The following SLC9C2 variants were observed in gnomAD, a reference collection of about 807,000 sequenced individuals.
SLC9C2 encodes sodium/hydrogen exchanger 11.
A neutral mutation model predicts 140.2 loss-of-function variants in SLC9C2; 75 were observed. The observed-to-expected ratio is 0.53, with a 90% CI of 0.44 to 0.65. The LOEUF (loss-of-function observed/expected upper bound fraction) is 0.65, where lower values mean the gene tolerates loss of function less well. SLC9C2 is among the 30% of genes least tolerant of loss of function. The probability of loss-of-function intolerance (pLI) is 0.00; values close to 1 mark genes in which losing one functional copy is unlikely to be tolerated. For synonymous variants in SLC9C2, 375 were observed against 420.9 expected (o/e 0.89, Z 1.34); for missense variants, 1,074 against 1,331.8 (o/e 0.81, Z 3.01).
intron 7 of SLC9C2, among the ~76,000 whole-genome samples, chr1:173,580,875 G>A (rs937819085): frequency 6.6e-6 from 1 of 152,098 alleles, no homozygotes; most frequent in East Asian, 1.9e-4. Context: ...ATAAAAAGAT[G>A]ACTAAGAGCC....
intron 23 of SLC9C2, among the ~76,000 whole-genome samples, chr1:173,511,007 G>A (rs1213720334): frequency 1.4e-5 from 2 of 138,666 alleles, no homozygotes; most frequent in Admixed American, 1.4e-4. Context: ...ATTGTTTCCT[G>A]GATTTTTTTT....
In SLC9C2 at chr1:173,529,916, A is replaced by G. The variant is rs1390515393; in HGVS notation, c.2302T>C (p.Ser768Pro). The stretch of plus-strand genomic sequence containing the variant: ...TGCTTGTTTCTCACCTGATATATTG[A>G]TTCACAGACAGCTATTTGTTTTATT... Reference protein sequence around the residue: ...LLIKQIAVCESIYQKLCEILE... With the variant: ...LLIKQIAVCEPIYQKLCEILE... The change falls in exon 18 of 28, where the codon TCA becomes CCA. Residue 768 changes from serine to proline, a missense_variant. Coordinates refer to ENST00000367714, the MANE Select transcript of SLC9C2 (RefSeq NM_178527.4). 2.5e-6 allele frequency: 4 copies of G among 1,608,510 alleles called. No individual in the cohort carries two copies. Among genetic ancestry groups the G allele is most frequent in the South Asian group, 2.2e-5 (2 of 89,582 alleles).
rs781379440 is a variant in SLC9C2, at chr1:173,536,977, A to G, written c.1620T>C (p.Ile540=). ...TGGAGTAATAGCATTTTGCTGCACC[A>G]ATTAATATCCGGGCTGCCTCTATTT... ...ILEIEAARIL[I]GAAKCYYSIQ... is the part of the protein sequence containing the mutation. The change falls in exon 14 of 28, where the codon ATT becomes ATC. Residue 540 remains isoleucine, a synonymous_variant. Transcript: ENST00000367714. 3.7e-6 allele frequency: 6 copies of G among 1,613,718 alleles called. No individual in the cohort carries two copies. Among genetic ancestry groups the G allele is most frequent in the African/African-American group, 2.7e-5 (2 of 74,928 alleles).
In SLC9C2 at chr1:173,557,346, T is replaced by C. The variant is rs1318239524; in HGVS notation, c.1209A>G (p.Pro403=). 1 of 1,611,430 alleles carries C rather than the reference T, an allele frequency of 6.2e-7. No individual in the cohort carries two copies. The highest frequency in any genetic ancestry group is 1.1e-5 in the South Asian group (1 of 90,494). ...GAGACATGATCTTTCCTACCATTTG[T>C]GGTACTTCCACTTTTCGTTCAGCGA... is the stretch of plus-strand genomic sequence containing the variant. ...YNLAERKVEV[P]QMFILYVQVI... Residue 403 remains proline (P), a synonymous_variant, in exon 10 of 28, where the codon CCA becomes CCG. Transcript: ENST00000367714.
chr1:173,556,724 C>G (rs987303068), intron 10 of SLC9C2, among the ~76,000 whole-genome samples: 3 of 151,830 alleles, frequency 2.0e-5, no homozygotes, highest in Non-Finnish European at 4.4e-5. Context: ...CGAGACCAGC[C>G]TGGCCAACAT....
chr1:173,594,356 T>C (rs1000909532), intron 4 of SLC9C2, among the ~76,000 whole-genome samples: 1 of 152,208 alleles, frequency 6.6e-6, no homozygotes, highest in African/African-American at 2.4e-5. Flanking sequence ...AAGATAAATA[T>C]GCTAATTACC....
Position 173,517,679 on chromosome 1 carries a change from C to A in SLC9C2, c.2765G>T (p.Gly922Val). The change falls in exon 23 of 28, where the codon GGA becomes GTA. Residue 922 changes from glycine to valine, a missense_variant. Coordinates refer to ENST00000367714, the MANE Select transcript of SLC9C2 (RefSeq NM_178527.4). Reference protein sequence around the residue: ...AILHSLSPTFGIESNQRCDRG... With the variant: ...AILHSLSPTFVIESNQRCDRG... ...ATCACACCTTTGATTACTCTCTATT[C>A]CAAAGGTAGGAGATAAACTATGCAA... 1 of 1,611,898 alleles carries A rather than the reference C, an allele frequency of 6.2e-7. No individual in the cohort carries two copies. Among genetic ancestry groups the A allele is most frequent in the Non-Finnish European group, 8.5e-7 (1 of 1,179,396 alleles).
At chr1:173,510,229 C>T (rs1181576866) in intron 23 of SLC9C2, among the ~76,000 whole-genome samples, 1 of 152,170 alleles carries the variant, frequency 6.6e-6, no homozygotes, top group East Asian at 1.9e-4. Context: ...TTTCCTTCCA[C>T]TCCACACACC....
At chr1:173,510,510 G>A (rs765919936) in intron 23 of SLC9C2, among the ~76,000 whole-genome samples, 1 of 152,020 alleles carries the variant, frequency 6.6e-6, no homozygotes, top group Non-Finnish European at 1.5e-5. Context: ...AAACGGCCCT[G>A]GTGTGTGATG....
intron 9 of SLC9C2, among the ~76,000 whole-genome samples, chr1:173,558,864 C>T (rs1187744492): frequency 6.6e-6 from 1 of 152,218 alleles, no homozygotes; most frequent in East Asian, 1.9e-4. Flanking sequence ...CCATTAAAGC[C>T]TTTCCTCTAG....
chr1:173,543,217 G>GACAA (rs199953889), intron 13 of SLC9C2, among the ~76,000 whole-genome samples: 54,282 of 148,692 alleles, frequency 0.37, 12,228 homozygotes, highest in African/African-American at 0.64. Context: ...ACTAATAACA[G>GACAA]ACAGAGAGCC....
chr1:173,519,600 C>T (rs1660658314), intron 22 of SLC9C2, among the ~76,000 whole-genome samples: 1 of 152,196 alleles, frequency 6.6e-6, no homozygotes, highest in African/African-American at 2.4e-5. Flanking sequence ...TTAGCTAGTC[C>T]AGTCATGGCA....
At chr1:173,585,025 A>G (rs942525668) in intron 5 of SLC9C2, among the ~76,000 whole-genome samples, 2 of 152,232 alleles carry the variant, frequency 1.3e-5, no homozygotes, top group African/African-American at 4.8e-5. Context: ...GATGACCCAG[A>G]TATAACCATT....
At chr1:173,601,597 G>C in intron 2 of SLC9C2, 53 bp downstream of exon 2, 1 of 1,585,802 alleles carries the variant, frequency 6.3e-7, no homozygotes, top group Non-Finnish European at 8.6e-7. Flanking sequence ...TTTCTGCATT[G>C]ACAAAAGGTT....
chr1:173,563,831 C>G (rs1664277619), intron 9 of SLC9C2, among the ~76,000 whole-genome samples: 1 of 152,162 alleles, frequency 6.6e-6, no homozygotes, highest in Admixed American at 6.5e-5. Flanking sequence ...TAACCATCCT[C>G]CACTTTCCCC....
intron 23 of SLC9C2, among the ~76,000 whole-genome samples, chr1:173,516,804 G>T (rs1660454307): frequency 6.6e-6 from 1 of 152,196 alleles, no homozygotes; most frequent in South Asian, 2.1e-4. Context: ...ATAATAGAAT[G>T]ATTTACATTC....
Position 173,535,916 on chromosome 1 carries a change from C to A in SLC9C2, c.1689G>T (p.Met563Ile). 1 of 1,505,872 alleles carries A rather than the reference C, an allele frequency of 6.6e-7. No individual in the cohort carries two copies. Among genetic ancestry groups the A allele is most frequent in the South Asian group, 1.2e-5 (1 of 82,948 alleles). The allele number at this position is 1,505,872 out of a possible 1,614,324, so 93.3% of individuals were successfully genotyped here. ...FMSIYDVSTY[M>I]RTRSWLIKFK... ...ACTTTATAAGCCAACTTCTAGTTCT[C>A]ATATAAGTTGAAACATCATAAATAC... The change falls in exon 15 of 28, where the codon ATG (methionine) becomes ATT (isoleucine). Residue 563 changes from methionine (M) to isoleucine (I), a missense_variant. Transcript: ENST00000367714.
intron 4 of SLC9C2, among the ~76,000 whole-genome samples, chr1:173,593,970 G>A (rs979491086): frequency 6.6e-6 from 1 of 152,124 alleles, no homozygotes; most frequent in Non-Finnish European, 1.5e-5. Context: ...AAAGTGAAAT[G>A]GTGGATAAAA....
rs1659216170 is a variant in SLC9C2 at position 173,500,847 on chromosome 1, T to C, written c.*247A>G. ...GTAGGACATATGTTTCAGTGTATTT[T>C]ATATTATCCTGAAGACTTTTTTAAC... On this transcript the variant is annotated 3_prime_UTR_variant, in exon 28 of 28. Coordinates refer to ENST00000367714, the MANE Select transcript of SLC9C2 (RefSeq NM_178527.4). 2 of 284,724 alleles carry C rather than the reference T, an allele frequency of 7.0e-6. No individual in the cohort carries two copies. Among genetic ancestry groups the C allele is most frequent in the Admixed American group, 5.4e-5 (1 of 18,374 alleles). 17.6% of individuals were successfully genotyped at this position (284,724 alleles called of 1,614,324 possible). A position where few individuals can be genotyped will look rare whatever the true frequency, so the allele number is the denominator to read the frequency against.
Sources: gnomAD v4.1 joint callset for allele counts (sites outside exome capture counted in the v4.1 genomes callset) on GRCh38, gnomAD v4.1.1 for gene constraint, MANE v1.5 for transcripts, NCBI Gene and HGNC (gene_info 2026-07-23, HGNC 2026-07-21) for gene names.